SSR4: variants seen among roughly 807,000 people sequenced by gnomAD.
SSR4 encodes translocon-associated protein subunit delta.
For synonymous variants in SSR4, 84 were observed against 65.6 expected (o/e 1.28, Z -1.35); for missense variants, 125 against 148.8 (o/e 0.84, Z 0.83).
intron 2 of SSR4, 45 bp from the exon 3 acceptor site, chrX:153,797,413 C>T (rs2092148209): frequency 8.7e-7 from 1 of 1,145,721 alleles, no homozygotes; most frequent in Middle Eastern, 2.4e-4. Flanking sequence ...TCTGCCCACA[C>T]CCAGAGGGGG....
chrX:153,796,727 C>G, intron 2 of SSR4, 175 bp downstream of exon 2: 2 of 455,106 alleles, frequency 4.4e-6, no homozygotes, highest in African/African-American at 2.4e-5. Flanking sequence ...CCTTCCTCAC[C>G]TGCTTTGTGT....
intron 1 of SSR4, chrX:153,795,139 A>C (rs2092131821): frequency 5.3e-6 from 1 of 189,501 alleles, no homozygotes; most frequent in Non-Finnish European, 9.9e-6. Flanking sequence ...AAGGGACCTC[A>C]GTGAGGAGAG....
At chrX:153,796,036 T>A (rs1209435919) in intron 1 of SSR4, 33 of 184,454 alleles carry the variant, frequency 1.8e-4, no homozygotes, top group Non-Finnish European at 2.8e-4. Context: ...CCACCCCCGA[T>A]GTCTCTGCTG....
In SSR4 at chrX:153,796,401, C is replaced by G. The variant is rs782790919; in HGVS notation, c.68-33C>G. 3 of 1,070,659 alleles carry G rather than the reference C, an allele frequency of 2.8e-6. No homozygotes were observed. In the South Asian group the frequency reaches 5.6e-5, roughly 20 times the overall value. The allele number at this position is 1,070,659 out of a possible 1,213,427, so 88.2% of individuals were successfully genotyped here. ...CCTCAGACCGGGATACTCGAGCTGG[C>G]CTTACCCAGGCATCTCTCCCTCTTC... is the stretch of plus-strand genomic sequence containing the variant. On this transcript the variant is annotated intron_variant, in intron 1 of 5. Transcript: ENST00000370086.
rs782716135 is a variant in SSR4 at position 153,794,738 on chromosome X, C to G, written c.51C>G (p.Ser17Arg). 6 of 1,211,725 alleles carry G rather than the reference C, an allele frequency of 5.0e-6. No homozygotes were observed. The highest frequency in any genetic ancestry group is 3.4e-6 in the Non-Finnish European group (3 of 895,338). The change falls in exon 1 of 6, where the codon AGC becomes AGG. Residue 17 changes from serine (S) to arginine (R), a missense_variant. Transcript: ENST00000370086. ...LGALALLLLSSLSRCSAEACL... is the reference protein window; with the variant it reads ...LGALALLLLSRLSRCSAEACL... ...CCCTGGCGCTGCTCCTGCTGTCCAG[C>G]CTCTCCCGCTGCTCAGGTAGCGGCC... is the stretch of plus-strand genomic sequence containing the variant.
At chrX:153,797,993 C>T in intron 4 of SSR4, 78 bp from the exon 5 acceptor site, 2 of 958,250 alleles carry the variant, frequency 2.1e-6, no homozygotes, top group South Asian at 3.9e-5. Context: ...GTGTTCCTAC[C>T]TGTCTTTCCC....
upstream of SSR4, chrX:153,794,532 G>C: frequency 8.6e-7 from 1 of 1,166,854 alleles, no homozygotes; most frequent in Non-Finnish European, 1.1e-6. Flanking sequence ...CCTGGCTCAG[G>C]GAGGGGCCAC....
intron 4 of SSR4, 89 bp from the exon 5 acceptor site, chrX:153,797,982 G>A (rs1022089104): frequency 3.0e-5 from 29 of 972,266 alleles, no homozygotes; most frequent in East Asian, 1.2e-4. Context: ...GGCTTGGGCC[G>A]GTGTTCCTAC....
chrX:153,796,696 C>G, intron 2 of SSR4, 144 bp downstream of exon 2: 1 of 503,280 alleles, frequency 2.0e-6, no homozygotes, highest in East Asian at 3.4e-5. Context: ...ATGCCAGATC[C>G]TAGCCAGTGT....
upstream of SSR4, chrX:153,794,182 G>A (rs1269268807): frequency 3.3e-5 from 37 of 1,107,475 alleles, no homozygotes; most frequent in African/African-American, 5.5e-5. Context: ...ACTGCTTCGG[G>A]TGCGGCTACC....
intron 5 of SSR4, 59 bp downstream of exon 5, chrX:153,798,195 C>T: frequency 8.5e-7 from 1 of 1,178,120 alleles, no homozygotes; most frequent in Non-Finnish European, 1.2e-6. Flanking sequence ...AGGTTATCCT[C>T]TCCACAGCCC....
intron 1 of SSR4, 165 bp downstream of exon 1, chrX:153,794,919 G>C (rs2092130203): frequency 1.7e-6 from 1 of 577,007 alleles, no homozygotes; most frequent in Admixed American, 4.0e-5. Flanking sequence ...AAAGCACCTC[G>C]CGCACGTTTA....
At chrX:153,797,850 C>A in intron 4 of SSR4, 36 bp downstream of exon 4, 3 of 1,098,995 alleles carry the variant, frequency 2.7e-6, no homozygotes, top group African/African-American at 1.8e-5. Flanking sequence ...CTCCCCTGTC[C>A]CTGGGGAGCA....
intron 2 of SSR4, chrX:153,796,974 G>A (rs782453006): frequency 2.3e-5 from 4 of 171,697 alleles, no homozygotes; most frequent in African/African-American, 9.0e-5. Context: ...TCCACCTCCC[G>A]GGTTCAAGCG....
intron 1 of SSR4, 59 bp from the exon 2 acceptor site, chrX:153,796,375 C>T (rs1218512056): frequency 5.7e-6 from 5 of 876,813 alleles, no homozygotes; most frequent in Non-Finnish European, 8.4e-6. Flanking sequence ...GGCCATCCTG[C>T]CCTCAGACCG....
rs199552657 is a variant in SSR4, at chrX:153,798,364, G to A, written c.453G>A (p.Val151=). Residue 151 remains valine (V), a synonymous_variant, in exon 6 of 6, where the codon GTG becomes GTA. Transcript: ENST00000370086. ...ACGGGCCCTGGGTGTCCACTGAGGTGCTGGCTGCGGCGATCGGCCTTGTGA... is the reference window on the plus strand; with the variant it reads ...ACGGGCCCTGGGTGTCCACTGAGGTACTGGCTGCGGCGATCGGCCTTGTGA... The part of the protein sequence containing the change: ...TWNGPWVSTE[V]LAAAIGLVIY... 1.7e-6 allele frequency: 2 copies of A among 1,205,296 alleles called. No homozygotes were observed. Among genetic ancestry groups the A allele is most frequent in the Non-Finnish European group, 2.2e-6 (2 of 892,561 alleles).
chrX:153,796,623 G>T, intron 2 of SSR4, 71 bp downstream of exon 2: 1 of 794,215 alleles, frequency 1.3e-6, no homozygotes, highest in South Asian at 2.1e-5. Context: ...TGGGGGACCT[G>T]TGTCGATAGA....
Position 153,796,546 on chromosome X carries a change from G to C in SSR4, c.180G>C (p.Arg60Ser). Residue 60 changes from arginine (R) to serine (S), a missense_variant, in exon 2 of 6, where the codon AGG becomes AGC. Coordinates refer to ENST00000370086, the MANE Select transcript of SSR4 (RefSeq NM_006280.3). ...AGATCTCCCTGACATGCAAGAACAG[G>C]GTCCAGGTGAGACAGTGGGGTTTCA... The part of the protein sequence containing the change: ...IVEISLTCKN[R>S]VQNMALYADV... 8.4e-7 allele frequency: 1 copy of C among 1,195,661 alleles called. No individual in the cohort carries two copies.
In SSR4 at chrX:153,795,576, C is replaced by T. The variant is rs933499760; in HGVS notation, c.67+822C>T. 6.7e-5 allele frequency: 42 copies of T among 623,538 alleles called. No homozygotes were observed. In the South Asian group the frequency reaches 2.7e-3, roughly 41 times the overall value. The allele number at this position is 623,538 out of a possible 1,213,427, so 51.4% of individuals were successfully genotyped here. The stretch of plus-strand genomic sequence containing the variant: ...ATAAAACCCTTCGGGGGCTCCCCTG[C>T]GCCACAGGAAGCAGGCCCAACTTAG... On this transcript the variant is annotated intron_variant, in intron 1 of 5. Transcript: ENST00000370086.
Sources: allele counts gnomAD v4.1 joint callset, GRCh38; gene constraint gnomAD v4.1.1; transcripts MANE v1.5; gene names NCBI Gene and HGNC (gene_info 2026-07-23, HGNC 2026-07-21).